Variants in MGAT5 observed in about 807,000 individuals in gnomAD.
MGAT5 encodes alpha-1,6-mannosylglycoprotein 6-beta-N-acetylglucosaminyltransferase A.
In MGAT5, 30 loss-of-function variants were observed where a neutral mutation model predicts 94.3. The ratio of observed to expected loss-of-function variants is 0.32; its 90% confidence interval spans 0.24 to 0.43. The LOEUF (loss-of-function observed/expected upper bound fraction) is 0.43, where lower values mean the gene tolerates loss of function less well. MGAT5 is among the 20% of genes least tolerant of loss of function. MGAT5 has a pLI of 1.00. For missense variants in MGAT5, 691 were observed against 905.5 expected, an observed-to-expected ratio of 0.76 and a Z score of 3.04; for synonymous variants, 310 against 322.9, an observed-to-expected ratio of 0.96 and a Z score of 0.43.
intron 7 of MGAT5, among the ~76,000 whole-genome samples, chr2:134,343,353 A>G (rs949725819): frequency 7.2e-5 from 11 of 152,256 alleles, no homozygotes; most frequent in South Asian, 2.1e-4. Context: ...ACTTTATTGG[A>G]GGGCCTGCTA....
chr2:134,428,327 G>C, intron 13 of MGAT5, 38 bp from the exon 14 acceptor site: 1 of 1,595,932 alleles, frequency 6.3e-7, no homozygotes, highest in Non-Finnish European at 8.6e-7. Flanking sequence ...CATGTTCTCT[G>C]TCCTTCTCCT....
intron 1 of MGAT5, among the ~76,000 whole-genome samples, chr2:134,244,667 T>A (rs1410814176): frequency 2.0e-5 from 3 of 152,166 alleles, no homozygotes; most frequent in Admixed American, 6.5e-5. Context: ...TCTCTCTCAC[T>A]CTGCATTCTA....
intron 1 of MGAT5, among the ~76,000 whole-genome samples, chr2:134,184,512 T>C (rs1182837348): frequency 6.6e-6 from 1 of 152,204 alleles, no homozygotes; most frequent in African/African-American, 2.4e-5. Flanking sequence ...CTGATTCCTT[T>C]TTAGAGAAGT....
intron 12 of MGAT5, among the ~76,000 whole-genome samples, chr2:134,421,146 C>A (rs918674148): frequency 5.3e-5 from 8 of 152,216 alleles, no homozygotes; most frequent in African/African-American, 1.9e-4. Flanking sequence ...CTGACATCCT[C>A]AGTGGCACTG....
At chr2:134,405,975 TG>T (rs1683310528) in intron 11 of MGAT5, among the ~76,000 whole-genome samples, 1 of 152,222 alleles carries the variant, frequency 6.6e-6, no homozygotes. Flanking sequence ...TCCTTCTAAT[TG>T]GGGTATAAAC....
chr2:134,299,883 T>C (rs936963060), intron 2 of MGAT5, among the ~76,000 whole-genome samples: 3 of 152,156 alleles, frequency 2.0e-5, no homozygotes, highest in Admixed American at 6.6e-5. Context: ...GCTTAAGAAA[T>C]TCCTCCCTGG....
At position 134,442,184 on chromosome 2, in the gene MGAT5, G is replaced by A. The variant is rs147337639; in HGVS notation, c.2027+269G>A. On this transcript the variant is annotated intron_variant, in intron 15 of 15. Transcript: ENST00000281923. The stretch of plus-strand genomic sequence containing the variant: ...TATTTGCATAAATAAAGCTGTATCT[G>A]GGTTTGAAGATTGTGGGAGGTGTTC... Among the ~76,000 whole-genome samples the A allele has an allele frequency of 4.1e-3, 623 of 152,290 alleles. 2 individuals are homozygous for A. Among genetic ancestry groups the A allele is most frequent in the Admixed American group, 8.0e-3 (122 of 15,300 alleles).
intron 2 of MGAT5, among the ~76,000 whole-genome samples, chr2:134,285,508 C>T (rs1307573127): frequency 6.6e-6 from 1 of 152,002 alleles, no homozygotes; most frequent in Non-Finnish European, 1.5e-5. Context: ...AGGGCATAAG[C>T]CCTTTTTAAG....
Position 134,232,093 on chromosome 2 carries a change from TCC to T in MGAT5, c.-142-22168_-142-22167del, listed in dbSNP as rs778034907. On this transcript the variant is annotated intron_variant, in intron 1 of 16. Transcript: ENST00000409645. ...AGTGGTCATTCTATACTCCTCCTCCTCCTCCTCGTCTTCCCTCATTCCTTCCA... is the reference window on the plus strand; with the variant it reads ...AGTGGTCATTCTATACTCCTCCTCCTTCCTCGTCTTCCCTCATTCCTTCCA... 4.6e-3 allele frequency among the ~76,000 whole-genome samples: 696 copies of T among 151,704 alleles called. 14 individuals are homozygous for T. The East Asian group carries it at 0.099, about 22-fold the overall frequency.
At chr2:134,200,977 C>T (rs551034364) in intron 1 of MGAT5, among the ~76,000 whole-genome samples, 24 of 152,000 alleles carry the variant, frequency 1.6e-4, no homozygotes, top group African/African-American at 4.3e-4. Flanking sequence ...CTATGTGACA[C>T]GATCATAGCT....
chr2:134,317,741 G>C (rs1573783736), intron 3 of MGAT5, 136 bp downstream of exon 3: 3 of 523,714 alleles, frequency 5.7e-6, no homozygotes, highest in Non-Finnish European at 9.6e-6. Flanking sequence ...CCTCCATCCT[G>C]CCGGCTTTGT....
At chr2:134,164,708 T>C (rs1687885190) in intron 1 of MGAT5, among the ~76,000 whole-genome samples, 1 of 152,064 alleles carries the variant, frequency 6.6e-6, no homozygotes, top group Admixed American at 6.5e-5. Context: ...AGAAATGTTA[T>C]TCGTTAAAAG....
At chr2:134,168,277 G>T (rs367788507) in intron 1 of MGAT5, among the ~76,000 whole-genome samples, 3 of 152,164 alleles carry the variant, frequency 2.0e-5, no homozygotes, top group African/African-American at 7.2e-5. Context: ...ACAAAAAGAT[G>T]GGGGGTTGGA....
chr2:134,180,969 C>T (rs888749611), intron 1 of MGAT5, among the ~76,000 whole-genome samples: 2 of 152,288 alleles, frequency 1.3e-5, no homozygotes, highest in Middle Eastern at 3.4e-3. Flanking sequence ...TACCCTGTCT[C>T]GCCTAAACAT....
intron 1 of MGAT5, among the ~76,000 whole-genome samples, chr2:134,183,677 T>C (rs569609196): frequency 6.6e-6 from 1 of 152,344 alleles, no homozygotes; most frequent in South Asian, 2.1e-4. Flanking sequence ...CCCTTTGTAA[T>C]GTGGAACTGT....
chr2:134,269,575 G>A (rs1483732598), intron 1 of MGAT5, among the ~76,000 whole-genome samples: 10 of 152,154 alleles, frequency 6.6e-5, no homozygotes, highest in Admixed American at 6.5e-4. Flanking sequence ...GAGAGTCTAA[G>A]CTTATCTTTT....
intron 1 of MGAT5, among the ~76,000 whole-genome samples, chr2:134,187,350 G>T (rs1410231261): frequency 6.6e-6 from 1 of 152,150 alleles, no homozygotes; most frequent in East Asian, 1.9e-4. Context: ...TCTTCCAGTG[G>T]AAGTGATAGT....
At chr2:134,428,141 C>A (rs1158770137) in intron 13 of MGAT5, among the ~76,000 whole-genome samples, 1 of 152,190 alleles carries the variant, frequency 6.6e-6, no homozygotes, top group East Asian at 1.9e-4. Flanking sequence ...TCTTATCACC[C>A]TTTTACATAT....
intron 1 of MGAT5, among the ~76,000 whole-genome samples, chr2:134,186,944 G>GT (rs1689070698): frequency 6.6e-6 from 1 of 152,204 alleles, no homozygotes; most frequent in Admixed American, 6.5e-5. Flanking sequence ...GCTATTCTAG[G>GT]TTGGGTGGTC....
Sources: gnomAD v4.1 joint callset for allele counts (sites outside exome capture counted in the v4.1 genomes callset) on GRCh38, gnomAD v4.1.1 for gene constraint, MANE v1.5 for transcripts, NCBI Gene and HGNC (gene_info 2026-07-23, HGNC 2026-07-21) for gene names.